The following EMID1 variants were observed in gnomAD, a reference collection of about 807,000 sequenced individuals.
EMID1 encodes the protein EMI domain-containing protein 1.
Under a neutral mutation model 60.6 loss-of-function variants are expected in EMID1, and 40 were observed. The ratio of observed to expected loss-of-function variants is 0.66; its 90% CI spans 0.51 to 0.86. The LOEUF is 0.86. EMID1 is among the 40% of genes least tolerant of loss of function. The pLI is 0.00. For missense variants in EMID1, 585 were observed against 597.1 expected (o/e 0.98, Z 0.21); for synonymous variants, 242 against 231.0 (o/e 1.05, Z -0.43).
chr22:29,228,051 G>A (rs112916224), intron 5 of EMID1, among the ~76,000 whole-genome samples: 14,434 of 151,932 alleles, frequency 0.095, 819 homozygotes, highest in African/African-American at 0.15. Context: ...AGCTACTCGG[G>A]AGGCTGAGGC....
chr22:29,225,788 A>G lies in EMID1; in HGVS notation c.403+572A>G, dbSNP rs1450481100. 3.9e-5 allele frequency among the ~76,000 whole-genome samples: 6 copies of G among 152,250 alleles called. No homozygotes were observed. The East Asian group carries it at 1.2e-3, about 29-fold the overall frequency. ...GAACAGGGGTGACACTCCCGTGAGGAGGGGAGAGACTGCTGGCATAGCACT... is the reference window on the plus strand; with the variant it reads ...GAACAGGGGTGACACTCCCGTGAGGGGGGGAGAGACTGCTGGCATAGCACT... On this transcript the variant is annotated intron_variant, in intron 4 of 14. Transcript: ENST00000334018.
intron 12 of EMID1, among the ~76,000 whole-genome samples, chr22:29,235,489 C>G (rs2146323220): frequency 6.6e-6 from 1 of 150,966 alleles, no homozygotes; most frequent in Admixed American, 6.6e-5. Flanking sequence ...TGTTTATGTT[C>G]TATTTATTCC....
intron 9 of EMID1, 56 bp from the exon 10 acceptor site, chr22:29,233,558 G>T (rs2040832482): frequency 1.2e-5 from 20 of 1,604,766 alleles, no homozygotes; most frequent in Non-Finnish European, 1.7e-5. Flanking sequence ...AGCTGATGGG[G>T]CACTTCCTGA....
intron 14 of EMID1, among the ~76,000 whole-genome samples, chr22:29,257,690 G>T (rs145929537): frequency 6.6e-6 from 1 of 152,190 alleles, no homozygotes; most frequent in African/African-American, 2.4e-5. Context: ...AGCATTTCCC[G>T]TGAAAACCAC....
At chr22:29,221,476 G>A (rs1055226787) in intron 3 of EMID1, among the ~76,000 whole-genome samples, 7 of 152,190 alleles carry the variant, frequency 4.6e-5, no homozygotes, top group Non-Finnish European at 8.8e-5. Flanking sequence ...CTGGGTTCAC[G>A]CCATTCTCCT....
chr22:29,250,088 T>TA (rs959828302), intron 13 of EMID1, among the ~76,000 whole-genome samples: 7 of 152,032 alleles, frequency 4.6e-5, no homozygotes, highest in East Asian at 3.9e-4. Context: ...ACAAAAAAAA[T>TA]AAAAAAATTT....
intron 12 of EMID1, among the ~76,000 whole-genome samples, chr22:29,243,126 T>C (rs546305478): frequency 7.5e-6 from 1 of 133,144 alleles, no homozygotes; most frequent in East Asian, 2.1e-4. Flanking sequence ...CCAATAAAAC[T>C]GAAACTTTCT....
chr22:29,232,794 C>A, intron 8 of EMID1: 1 of 199,718 alleles, frequency 5.0e-6, no homozygotes. Flanking sequence ...GCCACAGGCC[C>A]GGCCCCTCCT....
In EMID1 at chr22:29,233,611, C is replaced by T. The variant is rs200405066; in HGVS notation, c.914-3C>T. 4 of 1,613,222 alleles carry T rather than the reference C, an allele frequency of 2.5e-6. No homozygotes were observed. The Admixed American group carries it at 6.7e-5, about 27-fold the overall frequency. On this transcript the variant is annotated splice_polypyrimidine_tract_variant and splice_region_variant and intron_variant, in intron 9 of 14. Coordinates refer to ENST00000334018, the MANE Select transcript of EMID1 (RefSeq NM_133455.4). ...GCCCTTAGGACATCCTGTCTTTTTC[C>T]AGGTCCCCCTGGGCCTCCTGGCCCC...
chr22:29,209,735 A>G (rs35369066), intron 1 of EMID1, among the ~76,000 whole-genome samples: 8,303 of 152,238 alleles, frequency 0.055, 411 homozygotes, highest in African/African-American at 0.12. Context: ...AGGATGAATA[A>G]GAGTTGGCTG....
In EMID1 at chr22:29,238,456, C is replaced by T. The variant is rs190744738; in HGVS notation, c.1074+4107C>T. ...TTTTGAGATGAAATCTCACTCTTGT[C>T]CCCAAGGCTGGAGTGCAATGGTGTG... is the stretch of plus-strand genomic sequence containing the variant. On this transcript the variant is annotated intron_variant, in intron 12 of 14. Transcript: ENST00000334018. Among the ~76,000 whole-genome samples the T allele has an allele frequency of 3.3e-3, 472 of 141,772 alleles. 34 individuals carry two copies. Among genetic ancestry groups the T allele is most frequent in the Admixed American group, 5.8e-3 (83 of 14,432 alleles). The allele number at this position is 141,772 out of a possible 152,430, so 93.0% of individuals were successfully genotyped here. A position where few individuals can be genotyped will look rare whatever the true frequency, so the allele number is the denominator to read the frequency against.
At position 29,237,527 on chromosome 22, in the gene EMID1, G is replaced by A. The variant is rs1399288705; in HGVS notation, c.1074+3178G>A. Among the ~76,000 whole-genome samples, 3 of 143,800 alleles carry A rather than the reference G, an allele frequency of 2.1e-5. 1 individual carries two copies. Among genetic ancestry groups the A allele is most frequent in the East Asian group, 4.2e-4 (2 of 4,772 alleles). 94.3% of individuals were successfully genotyped at this position (143,800 alleles called of 152,430 possible). ...AAAATCTGAGTTTCTGGCCAGGCACGGTGGCTCACGCCTATAATCCCAGCA... is the reference window on the plus strand; with the variant it reads ...AAAATCTGAGTTTCTGGCCAGGCACAGTGGCTCACGCCTATAATCCCAGCA... On this transcript the variant is annotated intron_variant, in intron 12 of 14. Coordinates refer to ENST00000334018, the MANE Select transcript of EMID1 (RefSeq NM_133455.4).
intron 3 of EMID1, among the ~76,000 whole-genome samples, chr22:29,219,505 C>G (rs912838456): frequency 2.6e-5 from 4 of 152,152 alleles, no homozygotes; most frequent in Non-Finnish European, 4.4e-5. Flanking sequence ...ACAGGCCAGG[C>G]ACAGCAGCTC....
chr22:29,236,238 A>T (rs999944192), intron 12 of EMID1, among the ~76,000 whole-genome samples: 18 of 152,138 alleles, frequency 1.2e-4, no homozygotes, highest in Non-Finnish European at 2.4e-4. Flanking sequence ...TATAAAACAA[A>T]TTTAAAAATT....
Position 29,259,172 on chromosome 22 carries a change from G to A in EMID1, c.*228G>A, listed in dbSNP as rs542479995. 2 of 624,122 alleles carry A rather than the reference G, an allele frequency of 3.2e-6. No individual in the cohort carries two copies. The highest frequency in any genetic ancestry group is 5.2e-6 in the Non-Finnish European group (2 of 381,642). The allele number at this position is 624,122 out of a possible 1,614,324, so 38.7% of individuals were successfully genotyped here. On this transcript the variant is annotated 3_prime_UTR_variant, in exon 15 of 15. Coordinates refer to ENST00000334018, the MANE Select transcript of EMID1 (RefSeq NM_133455.4). ...GGCCTCAGTTTCCCTCTGTGAAGTG[G>A]GGGGAGGCAGGCCTTCAAGGAGGGA... is the stretch of plus-strand genomic sequence containing the variant.
intron 3 of EMID1, among the ~76,000 whole-genome samples, chr22:29,222,082 G>A (rs368852119): frequency 2.0e-5 from 3 of 152,240 alleles, no homozygotes; most frequent in East Asian, 1.9e-4. Context: ...GGACACTCTA[G>A]TGTGACATTA....
Position 29,234,183 on chromosome 22 carries a change from G to T in EMID1, c.1013G>T (p.Gly338Val). The change falls in exon 11 of 15, where the codon GGA (glycine) becomes GTA (valine). Residue 338 changes from glycine (G) to valine (V), a missense_variant. Transcript: ENST00000334018. ...CCCAAAGGAATCTCTGGCCACCCAGGAGAGAAGGGCGAGAGAGTGAGTACC... is the reference window on the plus strand; with the variant it reads ...CCCAAAGGAATCTCTGGCCACCCAGTAGAGAAGGGCGAGAGAGTGAGTACC... ...TGPKGISGHP[G>V]EKGERGLRGE... 1.2e-6 allele frequency: 2 copies of T among 1,604,548 alleles called. No homozygotes were observed. The highest frequency in any genetic ancestry group is 2.2e-5 in the East Asian group (1 of 44,520).
At chr22:29,230,994 C>A (rs376926329) in intron 5 of EMID1, 26 bp from the exon 6 acceptor site, 35 of 1,604,864 alleles carry the variant, frequency 2.2e-5, no homozygotes, top group African/African-American at 1.5e-4. Flanking sequence ...CCCTGGTACC[C>A]ACCCCGTCCC....
At chr22:29,229,343 A>G (rs1166024566) in intron 5 of EMID1, among the ~76,000 whole-genome samples, 2 of 152,002 alleles carry the variant, frequency 1.3e-5, no homozygotes, top group Non-Finnish European at 2.9e-5. Context: ...TGTCTCTAAA[A>G]TTAAAAAAAA....
Sources: gnomAD v4.1 joint callset for allele counts (sites outside exome capture counted in the v4.1 genomes callset) on GRCh38, gnomAD v4.1.1 for gene constraint, MANE v1.5 for transcripts, NCBI Gene and HGNC (gene_info 2026-07-23, HGNC 2026-07-21) for gene names.